The following DNAI7 variants were observed in gnomAD, a reference collection of about 807,000 sequenced individuals.
DNAI7 encodes the protein cancer susceptibility 1.
Under a neutral mutation model 86.6 loss-of-function variants are expected in DNAI7, and 78 were observed. That is an observed-to-expected ratio of 0.90 (90% CI 0.75 to 1.09). The LOEUF is 1.09. Ranked by LOEUF, DNAI7 falls within the 50% of genes least tolerant of loss-of-function variation. The pLI is 0.00. For synonymous variants in DNAI7, 274 were observed against 273.0 expected, an observed-to-expected ratio of 1.00 and a Z score of -0.04; for missense variants, 753 against 810.2, an observed-to-expected ratio of 0.93 and a Z score of 0.86.
intron 9 of DNAI7, among the ~76,000 whole-genome samples, chr12:25,137,811 T>C (rs1943721137): frequency 6.6e-6 from 1 of 152,054 alleles, no homozygotes; most frequent in Non-Finnish European, 1.5e-5. Context: ...CACTACATAA[T>C]GATAAAAGGT....
Position 25,152,605 on chromosome 12 carries a change from C to T in DNAI7, c.438+1714G>A, listed in dbSNP as rs1242669073. Among the ~76,000 whole-genome samples the T allele has an allele frequency of 9.9e-5, 15 of 152,284 alleles. 1 individual carries two copies. The East Asian group carries it at 2.9e-3, about 29-fold the overall frequency. On this transcript the variant is annotated intron_variant, in intron 6 of 15. Coordinates refer to ENST00000395987, the MANE Select transcript of DNAI7 (RefSeq NM_018272.5). ...CCAGTAAAGGCGAGTAAATGTTTCTCTGAGTTTTGTGAGCCATTACAGCAA... is the reference window on the plus strand; with the variant it reads ...CCAGTAAAGGCGAGTAAATGTTTCTTTGAGTTTTGTGAGCCATTACAGCAA...
rs751153518 is a variant in DNAI7, at chr12:25,155,356, A to T, written c.255T>A (p.Phe85Leu). The part of the protein sequence containing the change: ...LEELYLLERC[F>L]PEAEKLKQET... ...CCTGTTTCAATTTCTCTGCTTCAGG[A>T]AAACACCTCTCTAATAAATAAAGTT... Residue 85 changes from phenylalanine (F) to leucine (L), a missense_variant, in exon 5 of 16, where the codon TTT (phenylalanine) becomes TTA (leucine). Physicochemically the swap from Phe to Leu is conservative, Grantham distance 22 (BLOSUM62 0). Coordinates refer to ENST00000395987, the MANE Select transcript of DNAI7 (RefSeq NM_018272.5). 1.2e-6 allele frequency: 2 copies of T among 1,608,318 alleles called. No individual in the cohort carries two copies. The highest frequency in any genetic ancestry group is 2.2e-5 in the South Asian group (2 of 90,254).
chr12:25,172,456 C>T (rs1227234464), intron 2 of DNAI7, among the ~76,000 whole-genome samples: 1 of 152,092 alleles, frequency 6.6e-6, no homozygotes, highest in African/African-American at 2.4e-5. Flanking sequence ...TCACAGACAA[C>T]ACAAACAAAT....
intron 11 of DNAI7, among the ~76,000 whole-genome samples, chr12:25,121,353 C>G (rs1376558325): frequency 6.6e-6 from 1 of 152,190 alleles, no homozygotes; most frequent in Non-Finnish European, 1.5e-5. Context: ...TTATACACAG[C>G]AGTTTTAGTG....
At chr12:25,152,890 G>A (rs76414996) in intron 6 of DNAI7, among the ~76,000 whole-genome samples, 11,292 of 152,184 alleles carry the variant, frequency 0.074, 442 homozygotes, top group South Asian at 0.13. Context: ...CTAGTTTTTC[G>A]TTTTACTTAG....
chr12:25,107,866 A>G (rs932149898), downstream of DNAI7: 2 of 1,614,074 alleles, frequency 1.2e-6, no homozygotes, highest in Admixed American at 1.7e-5. Context: ...CTCCATCAGA[A>G]AGGCTAATAA....
rs147709633 is a variant in DNAI7 at position 25,160,556 on chromosome 12, C to T, written c.106+557G>A. Among the ~76,000 whole-genome samples the T allele has an allele frequency of 1.5e-3, 227 of 152,246 alleles. 1 individual carries two copies. The highest frequency in any genetic ancestry group is 5.1e-3 in the African/African-American group (212 of 41,542). ...CGTCATTCTCTTTAAATTAGCCAATCGGAATTAGTTTATCCTGTGTGGTCT... is the reference window on the plus strand; with the variant it reads ...CGTCATTCTCTTTAAATTAGCCAATTGGAATTAGTTTATCCTGTGTGGTCT... On this transcript the variant is annotated intron_variant, in intron 3 of 15. Coordinates refer to ENST00000395987, the MANE Select transcript of DNAI7 (RefSeq NM_018272.5).
intron 6 of DNAI7, 75 bp from the exon 7 acceptor site, chr12:25,149,849 C>T (rs772230360): frequency 1.2e-5 from 11 of 888,450 alleles, no homozygotes; most frequent in East Asian, 1.1e-4. Flanking sequence ...AATGTTTTAT[C>T]CCTTTTGAAT....
At position 25,185,473 on chromosome 12, in the gene DNAI7, C is replaced by T. The variant is rs111328679; in HGVS notation, c.21+5141G>A. Among the ~76,000 whole-genome samples, 494 of 152,254 alleles carry T rather than the reference C, an allele frequency of 3.2e-3. 2 individuals carry two copies. The highest frequency in any genetic ancestry group is 5.4e-3 in the Non-Finnish European group (369 of 68,022). On this transcript the variant is annotated intron_variant, in intron 2 of 15. Transcript: ENST00000395987. ...CATTTGAAGTATAAAAAATGTCTAC[C>T]ATTTACCTAATTGGCAAAACTGTTT...
In DNAI7 at chr12:25,108,603, A is replaced by G; in HGVS notation, c.2114T>C (p.Phe705Ser). The G allele has an allele frequency of 6.2e-7, 1 of 1,613,902 alleles. No homozygotes were observed. Among genetic ancestry groups the G allele is most frequent in the Non-Finnish European group, 8.5e-7 (1 of 1,179,932 alleles). The change falls in exon 16 of 16, where the codon TTT (phenylalanine) becomes TCT (serine). Residue 705 changes from phenylalanine to serine, a missense_variant. Transcript: ENST00000395987. ...CAGCATGTGGCACACAGAGTTGACAAACTGACAGTTGGAACTCCTGACTTT... is the reference window on the plus strand; with the variant it reads ...CAGCATGTGGCACACAGAGTTGACAGACTGACAGTTGGAACTCCTGACTTT... ...MEKVRSSNCQ[F>S]VNSVCHMLLS... is the part of the protein sequence containing the mutation.
At chr12:25,160,357 T>C (rs1406676926) in intron 3 of DNAI7, among the ~76,000 whole-genome samples, 3 of 152,204 alleles carry the variant, frequency 2.0e-5, no homozygotes, top group African/African-American at 7.2e-5. Context: ...ATTCTTTGCC[T>C]TCTACTTTTA....
intron 4 of DNAI7, among the ~76,000 whole-genome samples, chr12:25,155,836 G>A (rs936606654): frequency 6.6e-6 from 1 of 152,220 alleles, no homozygotes; most frequent in African/African-American, 2.4e-5. Flanking sequence ...ATGGATGGGT[G>A]CAGTGGCTCA....
chr12:25,141,143 T>C (rs958452762), intron 9 of DNAI7, among the ~76,000 whole-genome samples: 5 of 152,276 alleles, frequency 3.3e-5, no homozygotes, highest in African/African-American at 9.6e-5. Flanking sequence ...CTTCTAGACA[T>C]TGGCTTAGGC....
intron 2 of DNAI7, among the ~76,000 whole-genome samples, chr12:25,163,809 A>C (rs931498880): frequency 1.3e-5 from 2 of 151,880 alleles, no homozygotes; most frequent in Non-Finnish European, 2.9e-5. Context: ...AACCTCTCTC[A>C]CTATCCCTCA....
At chr12:25,113,141 C>T (rs1053285188) in intron 13 of DNAI7, among the ~76,000 whole-genome samples, 1 of 152,192 alleles carries the variant, frequency 6.6e-6, no homozygotes, top group Admixed American at 6.5e-5. Flanking sequence ...AGAAAGGTCA[C>T]ATAACCTCCT....
At chr12:25,148,822 A>C (rs899938174) in intron 7 of DNAI7, among the ~76,000 whole-genome samples, 3 of 152,096 alleles carry the variant, frequency 2.0e-5, no homozygotes. Flanking sequence ...TTAGTCTCTG[A>C]GTGTTTGCTT....
At chr12:25,141,493 T>A (rs767678807) in intron 9 of DNAI7, among the ~76,000 whole-genome samples, 3 of 152,120 alleles carry the variant, frequency 2.0e-5, no homozygotes, top group Non-Finnish European at 4.4e-5. Context: ...ATTAAGGACA[T>A]CCAAATCAAA....
intron 2 of DNAI7, among the ~76,000 whole-genome samples, chr12:25,167,470 C>A (rs1450415286): frequency 6.6e-6 from 1 of 152,150 alleles, no homozygotes; most frequent in East Asian, 1.9e-4. Flanking sequence ...CTCTTATTAT[C>A]ATTCCCATTC....
intron 11 of DNAI7, among the ~76,000 whole-genome samples, chr12:25,120,679 A>C (rs1352298207): frequency 2.0e-5 from 3 of 152,244 alleles, no homozygotes; most frequent in East Asian, 3.9e-4. Flanking sequence ...GAGCCAAGAC[A>C]GCGCCACTGC....
Sources: allele counts gnomAD v4.1 joint callset (sites outside exome capture counted in the v4.1 genomes callset), GRCh38; gene constraint gnomAD v4.1.1; transcripts MANE v1.5; gene names NCBI Gene and HGNC (gene_info 2026-07-23, HGNC 2026-07-21).